MTCL3: variants seen among roughly 807,000 people sequenced by gnomAD.
The protein encoded by MTCL3 is microtubule cross-linking factor 3.
At chr6:127,474,701 C>T in the MTCL3 span, among the ~76,000 whole-genome samples, 1 of 152,166 alleles carries the variant, frequency 6.6e-6, no homozygotes. Context: ...ACATCAGCCT[C>T]CGGAGTAGCT....
chr6:127,504,645 A>C, the MTCL3 span, among the ~76,000 whole-genome samples: 1 of 152,088 alleles, frequency 6.6e-6, no homozygotes, highest in Admixed American at 6.5e-5. Flanking sequence ...TGCCCTGAGA[A>C]TCTCTTAAGG....
At chr6:127,498,206 A>G in the MTCL3 span, among the ~76,000 whole-genome samples, 2 of 152,236 alleles carry the variant, frequency 1.3e-5, no homozygotes, top group Non-Finnish European at 2.9e-5. Flanking sequence ...TAAAAGACTT[A>G]TATCCAAAAT....
At chr6:127,516,375 C>A in the MTCL3 span, 1 of 1,600,838 alleles carries the variant, frequency 6.2e-7, no homozygotes, top group Non-Finnish European at 8.5e-7. Context: ...TGTTACCCTG[C>A]TGTTGCTGCT....
chr6:127,504,763 A>C, the MTCL3 span, among the ~76,000 whole-genome samples: 1 of 152,228 alleles, frequency 6.6e-6, no homozygotes, highest in African/African-American at 2.4e-5. Flanking sequence ...TGAAAACATA[A>C]AGACTTGCAA....
the MTCL3 span, chr6:127,481,181 TA>T: frequency 1.7e-6 from 1 of 595,892 alleles, no homozygotes; most frequent in Non-Finnish European, 2.1e-6. Context: ...AAAGAATAAA[TA>T]AACTTTTAAC....
At chr6:127,476,045 T>G in the MTCL3 span, 2 of 1,612,512 alleles carry the variant, frequency 1.2e-6, no homozygotes, top group Admixed American at 1.7e-5. This position sits in a 1 kb window ranked among gnomAD's most constrained non-coding sequence, Gnocchi z 4.4. Flanking sequence ...GCCACGTTCC[T>G]CCGCAGCAGC....
At chr6:127,508,181 C>T in the MTCL3 span, among the ~76,000 whole-genome samples, 3 of 152,176 alleles carry the variant, frequency 2.0e-5, no homozygotes, top group South Asian at 2.1e-4. Context: ...AATGCTTCTT[C>T]GCTGATTTAT....
the MTCL3 span, chr6:127,476,617 T>C: frequency 3.2e-6 from 2 of 628,378 alleles, no homozygotes; most frequent in Non-Finnish European, 5.3e-6. This position sits in a 1 kb window ranked among gnomAD's most constrained non-coding sequence, Gnocchi z 4.4. Context: ...GTGTATTTTC[T>C]TCAGATCACT....
chr6:127,476,675 GC>G, the MTCL3 span, among the ~76,000 whole-genome samples: 8 of 152,096 alleles, frequency 5.3e-5, no homozygotes, highest in African/African-American at 7.2e-5. This position sits in a 1 kb window ranked among gnomAD's most constrained non-coding sequence, Gnocchi z 4.4. Flanking sequence ...CATCCTGGAA[GC>G]AAAAAGGAAA....
At chr6:127,488,457 G>T in the MTCL3 span, among the ~76,000 whole-genome samples, 1 of 152,158 alleles carries the variant, frequency 6.6e-6, no homozygotes, top group Admixed American at 6.5e-5. Flanking sequence ...ATTGGTCTCT[G>T]TTATAGCTCC....
At chr6:127,514,421 G>A in the MTCL3 span, among the ~76,000 whole-genome samples, 6 of 152,226 alleles carry the variant, frequency 3.9e-5, no homozygotes, top group Non-Finnish European at 4.4e-5. Flanking sequence ...CTCCCCCAGA[G>A]GAGTCCTTTT....
the MTCL3 span, among the ~76,000 whole-genome samples, chr6:127,512,291 A>T: frequency 6.6e-6 from 1 of 152,136 alleles, no homozygotes; most frequent in Non-Finnish European, 1.5e-5. Flanking sequence ...GTTGCAATTA[A>T]ATATATATCA....
At chr6:127,485,476 G>A in the MTCL3 span, among the ~76,000 whole-genome samples, 1 of 152,076 alleles carries the variant, frequency 6.6e-6, no homozygotes, top group African/African-American at 2.4e-5. Flanking sequence ...TCAACTTGGA[G>A]CACTAAATGC....
the MTCL3 span, chr6:127,512,805 A>AT: frequency 7.5e-7 from 1 of 1,326,434 alleles, no homozygotes; most frequent in Non-Finnish European, 1.0e-6. Context: ...CATAAAAGAA[A>AT]TTTTTTAACA....
chr6:127,475,968 G>A, the MTCL3 span: 1 of 1,611,410 alleles, frequency 6.2e-7, no homozygotes, highest in Non-Finnish European at 8.5e-7. This position sits in a 1 kb window ranked among gnomAD's most constrained non-coding sequence, Gnocchi z 7.3. Context: ...CGCTGTCGTG[G>A]CCGCCGGACT....
chr6:127,475,396 T>C, the MTCL3 span: 1 of 1,613,344 alleles, frequency 6.2e-7, no homozygotes. This position sits in a 1 kb window ranked among gnomAD's most constrained non-coding sequence, Gnocchi z 7.3. Context: ...GGCCTTCATC[T>C]GAGCGTTGAT....
At chr6:127,513,192 AT>A in the MTCL3 span, 2 of 741,294 alleles carry the variant, frequency 2.7e-6, no homozygotes, top group African/African-American at 3.5e-5. Context: ...AAGTATACAT[AT>A]AAGCCATTCA....
chr6:127,487,476 A>C, the MTCL3 span, among the ~76,000 whole-genome samples: 5 of 152,266 alleles, frequency 3.3e-5, no homozygotes, highest in Middle Eastern at 3.4e-3. Context: ...TGCCTGCTGG[A>C]AGGAAACTGA....
the MTCL3 span, chr6:127,481,394 C>CA: frequency 1.0e-6 from 1 of 985,068 alleles, no homozygotes; most frequent in Non-Finnish European, 1.2e-6. Context: ...GAGAAAGGTA[C>CA]AAAAAATGAT....
Sources: gnomAD v4.1 joint callset for allele counts (sites outside exome capture counted in the v4.1 genomes callset) on GRCh38, gnomAD v4.1.1 for gene constraint, Gnocchi (gnomAD v3.1) non-coding constraint, MANE v1.5 for transcripts, NCBI Gene and HGNC (gene_info 2026-07-23, HGNC 2026-07-21) for gene names.